PCDHA7: variants seen among roughly 807,000 people sequenced by gnomAD.
The protein encoded by PCDHA7 is protocadherin alpha-7.
In PCDHA7, 37 loss-of-function variants were observed where a neutral mutation model predicts 57.2. The observed-to-expected ratio is 0.65, with a 90% CI of 0.50 to 0.85. The LOEUF (loss-of-function observed/expected upper bound fraction) is 0.85, where lower values mean the gene tolerates loss of function less well. Among genes scored for constraint, PCDHA7 ranks in the 40% least tolerant of loss-of-function variants. The pLI is 0.00. For synonymous variants in PCDHA7, 553 were observed against 558.8 expected (o/e 0.99, Z 0.15); for missense variants, 1,188 against 1,241.8 (o/e 0.96, Z 0.65).
chr5:140,850,744 A>G (rs2150496809), intron 1 of PCDHA7: 2 of 1,597,586 alleles, frequency 1.3e-6, no homozygotes, highest in Non-Finnish European at 1.7e-6. Context: ...AGTTGGTCGT[A>G]CTCGCAGCAG....
rs1581152641 is a variant in PCDHA7, at chr5:140,848,515, G to A, written c.2355+11777G>A. ...TTTGAAATGTTATACTCAAGTCGAG[G>A]AGATCCAGAGGGTCAGCCTCTACTG... On this transcript the variant is annotated intron_variant, in intron 1 of 3. Coordinates refer to ENST00000525929, the MANE Select transcript of PCDHA7 (RefSeq NM_018910.3). The A allele has an allele frequency of 1.9e-6, 3 of 1,590,864 alleles. No individual in the cohort carries two copies. In the African/African-American group the frequency reaches 4.0e-5, roughly 21 times the overall value.
chr5:140,884,260 G>A (rs781862611), intron 1 of PCDHA7: 19 of 1,613,410 alleles, frequency 1.2e-5, no homozygotes, highest in Non-Finnish European at 1.5e-5. Flanking sequence ...CCACGGCAAC[G>A]GTGCTGTTGT....
intron 1 of PCDHA7, among the ~76,000 whole-genome samples, chr5:140,973,341 C>T (rs1323571061): frequency 6.6e-6 from 1 of 152,124 alleles, no homozygotes; most frequent in African/African-American, 2.4e-5. Flanking sequence ...TGTAAAGTGA[C>T]ATAGTAGTGA....
At chr5:140,997,816 T>C (rs1363819907) in intron 3 of PCDHA7, among the ~76,000 whole-genome samples, 1 of 152,232 alleles carries the variant, frequency 6.6e-6, no homozygotes, top group African/African-American at 2.4e-5. Flanking sequence ...TGTTGGTATC[T>C]ATGTTTTCTA....
intron 3 of PCDHA7, among the ~76,000 whole-genome samples, chr5:140,991,572 G>A (rs782016422): frequency 1.3e-4 from 20 of 152,144 alleles, no homozygotes; most frequent in Non-Finnish European, 2.9e-4. Flanking sequence ...TCCAATAACA[G>A]GCTCCTTATT....
At position 140,979,365 on chromosome 5, in the gene PCDHA7, C is replaced by T. The variant is rs782063202; in HGVS notation, c.2414+358C>T. Among the ~76,000 whole-genome samples, 13 of 151,916 alleles carry T rather than the reference C, an allele frequency of 8.6e-5. 1 individual carries two copies. The highest frequency in any genetic ancestry group is 1.5e-5 in the Non-Finnish European group (1 of 67,992). On this transcript the variant is annotated intron_variant, in intron 2 of 3. Coordinates refer to ENST00000525929, the MANE Select transcript of PCDHA7 (RefSeq NM_018910.3). ...TGTAATTAATACTCATGCTTTGAGA[C>T]TTGGGTACATTGTGCAATGTATACA...
chr5:140,994,229 A>G (rs1488908759), intron 3 of PCDHA7, among the ~76,000 whole-genome samples: 3 of 152,188 alleles, frequency 2.0e-5, no homozygotes, highest in African/African-American at 7.2e-5. Flanking sequence ...TGTCTATGTT[A>G]TAATCAATTC....
chr5:140,927,191 T>TG, intron 1 of PCDHA7: 1 of 1,614,144 alleles, frequency 6.2e-7, no homozygotes, highest in East Asian at 2.2e-5. Flanking sequence ...TACGACCTGG[T>TG]GCTCGAGGAC....
intron 1 of PCDHA7, chr5:140,865,407 G>A (rs2048863469): frequency 6.6e-6 from 1 of 152,160 alleles, no homozygotes; most frequent in Non-Finnish European, 1.5e-5. Flanking sequence ...TGCTGAAAAG[G>A]AATTAGTAGT....
At chr5:140,874,680 T>C (rs1018074001) in intron 1 of PCDHA7, among the ~76,000 whole-genome samples, 1 of 152,258 alleles carries the variant, frequency 6.6e-6, no homozygotes, top group Non-Finnish European at 1.5e-5. Flanking sequence ...TCCTGAGATT[T>C]GTTTTAACAT....
intron 1 of PCDHA7, among the ~76,000 whole-genome samples, chr5:140,950,750 C>T (rs1320735521): frequency 3.3e-5 from 5 of 151,928 alleles, no homozygotes; most frequent in Non-Finnish European, 7.4e-5. Flanking sequence ...TCTCTCTATC[C>T]TTTCTGGACT....
chr5:140,964,579 G>A (rs2095841483), intron 1 of PCDHA7, among the ~76,000 whole-genome samples: 1 of 152,090 alleles, frequency 6.6e-6, no homozygotes, highest in Non-Finnish European at 1.5e-5. Flanking sequence ...ATAAGGGGAG[G>A]AAAGATCACT....
intron 1 of PCDHA7, among the ~76,000 whole-genome samples, chr5:140,873,668 T>G (rs1315193684): frequency 6.6e-6 from 1 of 152,206 alleles, no homozygotes; most frequent in Non-Finnish European, 1.5e-5. Flanking sequence ...TATTATTATT[T>G]GTTTCTTTTT....
intron 3 of PCDHA7, among the ~76,000 whole-genome samples, chr5:141,000,421 ATTTTTTTT>A (rs34755515): frequency 1.4e-4 from 4 of 27,978 alleles, no homozygotes; most frequent in African/African-American, 7.1e-4. Flanking sequence ...ATATATATAT[ATTTTTTTT>A]TTTTTTTTTT....
chr5:140,980,824 A>G (rs2096907010), intron 2 of PCDHA7, among the ~76,000 whole-genome samples: 1 of 152,192 alleles, frequency 6.6e-6, no homozygotes, highest in Non-Finnish European at 1.5e-5. Flanking sequence ...ATATTAAATG[A>G]GTTGTGAACC....
Position 140,849,822 on chromosome 5 carries a change from G to T in PCDHA7, c.2355+13084G>T, listed in dbSNP as rs2150452005. 3.8e-6 allele frequency: 6 copies of T among 1,598,508 alleles called. 1 individual carries two copies. The African/African-American group carries it at 8.1e-5, about 21-fold the overall frequency. ...ACTGTGGGCCACGGCCAGGGTGTCT[G>T]TGGAGGTGGCCGACGTGAACGACAA... On this transcript the variant is annotated intron_variant, in intron 1 of 3. Coordinates refer to ENST00000525929, the MANE Select transcript of PCDHA7 (RefSeq NM_018910.3).
chr5:140,933,244 A>G (rs1218658347), intron 1 of PCDHA7, among the ~76,000 whole-genome samples: 3 of 152,038 alleles, frequency 2.0e-5, no homozygotes, highest in African/African-American at 4.8e-5. Context: ...AGAAAGGACT[A>G]TAAACACAAA....
intron 2 of PCDHA7, among the ~76,000 whole-genome samples, chr5:140,981,439 T>C (rs1468864699): frequency 6.6e-6 from 1 of 152,128 alleles, no homozygotes; most frequent in Non-Finnish European, 1.5e-5. Flanking sequence ...CCAGGCATGG[T>C]GGCGGGTGCC....
At chr5:140,966,767 A>T in intron 1 of PCDHA7, 1 of 1,484,362 alleles carries the variant, frequency 6.7e-7, no homozygotes, top group South Asian at 1.3e-5. Context: ...GCCAGTGGCT[A>T]TGGAGCAGGC....
Sources: allele counts gnomAD v4.1 joint callset (sites outside exome capture counted in the v4.1 genomes callset), GRCh38; gene constraint gnomAD v4.1.1; transcripts MANE v1.5; gene names NCBI Gene and HGNC (gene_info 2026-07-23, HGNC 2026-07-21).